RALGAPA2: variants seen among roughly 807,000 people sequenced by gnomAD.
The protein encoded by RALGAPA2 is ral GTPase-activating protein subunit alpha-2.
RALGAPA2 carries 139 observed loss-of-function variants against 230.4 expected under a neutral mutation model. The observed-to-expected ratio is 0.60, with a 90% CI of 0.53 to 0.69. The LOEUF is 0.69. Ranked by LOEUF, RALGAPA2 falls within the 30% of genes least tolerant of loss-of-function variation. The probability of loss-of-function intolerance (pLI) is 0.00; values close to 1 mark genes in which losing one functional copy is unlikely to be tolerated. For synonymous variants in RALGAPA2, 847 were observed against 837.8 expected (o/e 1.01, Z -0.19); for missense variants, 2,163 against 2,276.0 (o/e 0.95, Z 1.01).
chr20:20,696,809 C>A lies in RALGAPA2; in HGVS notation c.106+15566G>T, dbSNP rs1242057026. Among the ~76,000 whole-genome samples the A allele has an allele frequency of 2.0e-5, 3 of 152,178 alleles. No individual in the cohort carries two copies. The East Asian group carries it at 5.8e-4, about 29-fold the overall frequency. Reference sequence around the variant, plus strand: ...CCCTTCAGAGAGGCCTTCCCTCACCCCAATATCTAAATAAGCATACACATA... The same window carrying A: ...CCCTTCAGAGAGGCCTTCCCTCACCACAATATCTAAATAAGCATACACATA... On this transcript the variant is annotated intron_variant, in intron 1 of 39. Coordinates refer to ENST00000202677, the MANE Select transcript of RALGAPA2 (RefSeq NM_020343.4).
intron 23 of RALGAPA2, among the ~76,000 whole-genome samples, chr20:20,552,155 C>T (rs988656094): frequency 6.6e-6 from 1 of 152,174 alleles, no homozygotes; most frequent in Non-Finnish European, 1.5e-5. Context: ...AATGTTGCAA[C>T]TGTACTTTCA....
At chr20:20,558,501 G>A (rs2145818456) in intron 23 of RALGAPA2, among the ~76,000 whole-genome samples, 1 of 152,196 alleles carries the variant, frequency 6.6e-6, no homozygotes, top group East Asian at 1.9e-4. Flanking sequence ...TACTCTCATA[G>A]AAGTATTATC....
chr20:20,456,286 G>A (rs144251433), intron 37 of RALGAPA2, among the ~76,000 whole-genome samples: 1,798 of 152,300 alleles, frequency 0.012, 39 homozygotes, highest in African/African-American at 0.041. Context: ...GTTAGATGCC[G>A]GAGACTGAAA....
At chr20:20,467,108 G>C (rs1284876484) in intron 37 of RALGAPA2, among the ~76,000 whole-genome samples, 2 of 152,208 alleles carry the variant, frequency 1.3e-5, no homozygotes, top group Non-Finnish European at 2.9e-5. Flanking sequence ...GCTTCTTGCT[G>C]ACTGGTGCCC....
Position 20,712,507 on chromosome 20 carries a change from C to A in RALGAPA2, c.-27G>T. The A allele has an allele frequency of 6.5e-7, 1 of 1,538,528 alleles. No individual in the cohort carries two copies. The highest frequency in any genetic ancestry group is 8.8e-7 in the Non-Finnish European group (1 of 1,141,510). Reference sequence around the variant, plus strand: ...CCGCGGCAGGAAGCCCGGGCCCCGCCGGCGGGGCAGTAGGCGCCTGCGCCA... The same window carrying A: ...CCGCGGCAGGAAGCCCGGGCCCCGCAGGCGGGGCAGTAGGCGCCTGCGCCA... On this transcript the variant is annotated 5_prime_UTR_variant, in exon 1 of 40. Transcript: ENST00000202677. The surrounding 1 kb of genome is among the most constrained non-coding windows in gnomAD (Gnocchi z 5.5).
intron 3 of RALGAPA2, among the ~76,000 whole-genome samples, chr20:20,670,498 A>G (rs2068096781): frequency 6.6e-6 from 1 of 152,258 alleles, no homozygotes; most frequent in Non-Finnish European, 1.5e-5. Context: ...AGCCCATGTA[A>G]AACATGTAGA....
chr20:20,628,289 C>T (rs2066555787), intron 10 of RALGAPA2, among the ~76,000 whole-genome samples: 1 of 152,136 alleles, frequency 6.6e-6, no homozygotes, highest in African/African-American at 2.4e-5. Flanking sequence ...GGTGCATTCC[C>T]GTCATTCATA....
At chr20:20,639,639 CT>C in intron 7 of RALGAPA2, 145 bp downstream of exon 7, 4 of 613,128 alleles carry the variant, frequency 6.5e-6, no homozygotes, top group Non-Finnish European at 1.1e-5. Flanking sequence ...ATGGTACACA[CT>C]CTGCATTTGC....
intron 37 of RALGAPA2, among the ~76,000 whole-genome samples, chr20:20,439,220 T>G (rs1410464610): frequency 6.6e-6 from 1 of 151,918 alleles, no homozygotes; most frequent in East Asian, 1.9e-4. Context: ...GGTTTTAGTT[T>G]TTTTTTTTTT....
At chr20:20,651,177 CCA>C (rs2146592297) in intron 4 of RALGAPA2, among the ~76,000 whole-genome samples, 1 of 152,326 alleles carries the variant, frequency 6.6e-6, no homozygotes, top group African/African-American at 2.4e-5. Context: ...CATCAACGCA[CCA>C]CATTGTCATT....
At chr20:20,528,367 G>A (rs1259677984) in intron 27 of RALGAPA2, among the ~76,000 whole-genome samples, 1 of 152,164 alleles carries the variant, frequency 6.6e-6, no homozygotes, top group Non-Finnish European at 1.5e-5. Flanking sequence ...ATCTGTGGGG[G>A]CCAGTCTAGG....
At chr20:20,679,301 C>A (rs956542249) in intron 2 of RALGAPA2, among the ~76,000 whole-genome samples, 4 of 152,142 alleles carry the variant, frequency 2.6e-5, no homozygotes, top group African/African-American at 9.7e-5. Context: ...TCTTTGACTT[C>A]TCCCTTTCCC....
intron 38 of RALGAPA2, among the ~76,000 whole-genome samples, chr20:20,404,487 T>C (rs1039257564): frequency 2.0e-5 from 3 of 152,136 alleles, no homozygotes; most frequent in Non-Finnish European, 4.4e-5. Context: ...CTGAGTCTTC[T>C]AGGAGGCCCC....
At chr20:20,545,050 T>C (rs1426626908) in intron 24 of RALGAPA2, among the ~76,000 whole-genome samples, 5 of 152,214 alleles carry the variant, frequency 3.3e-5, no homozygotes, top group African/African-American at 1.2e-4. Context: ...TAAAGAAGTA[T>C]GATTTCCCTT....
At chr20:20,545,830 T>C (rs1404869821) in intron 24 of RALGAPA2, among the ~76,000 whole-genome samples, 2 of 152,192 alleles carry the variant, frequency 1.3e-5, no homozygotes, top group Non-Finnish European at 2.9e-5. Flanking sequence ...TTTTGGAGGC[T>C]GAGGCAGGAG....
chr20:20,608,634 G>C (rs2065892237), intron 14 of RALGAPA2, among the ~76,000 whole-genome samples: 1 of 152,190 alleles, frequency 6.6e-6, no homozygotes, highest in Admixed American at 6.5e-5. Flanking sequence ...CAGTCCACAT[G>C]ATCAAATGAA....
chr20:20,573,209 G>A (rs2064706828), intron 20 of RALGAPA2, 141 bp from the exon 21 acceptor site: 4 of 738,814 alleles, frequency 5.4e-6, no homozygotes, highest in African/African-American at 3.6e-5. Flanking sequence ...TTTAAAAGGA[G>A]AGAAAAGCAG....
intron 7 of RALGAPA2, among the ~76,000 whole-genome samples, chr20:20,638,965 A>G (rs2066943503): frequency 6.6e-6 from 1 of 152,214 alleles, no homozygotes; most frequent in Admixed American, 6.5e-5. Flanking sequence ...AGAAAATATC[A>G]GAAGAGGAGA....
intron 7 of RALGAPA2, among the ~76,000 whole-genome samples, chr20:20,639,542 G>A (rs1052906839): frequency 3.3e-5 from 5 of 152,056 alleles, no homozygotes; most frequent in African/African-American, 1.2e-4. Flanking sequence ...AGAGATTAGG[G>A]GTAGGAAAGG....
Sources: gnomAD v4.1 joint callset for allele counts (sites outside exome capture counted in the v4.1 genomes callset) on GRCh38, gnomAD v4.1.1 for gene constraint, Gnocchi (gnomAD v3.1) non-coding constraint, MANE v1.5 for transcripts, NCBI Gene and HGNC (gene_info 2026-07-23, HGNC 2026-07-21) for gene names.